TRPC4: variants seen among roughly 807,000 people sequenced by gnomAD.
The protein encoded by TRPC4 is short transient receptor potential channel 4.
A neutral mutation model predicts 99.4 loss-of-function variants in TRPC4; 49 were observed. The observed-to-expected ratio is 0.49, with a 90% CI of 0.39 to 0.63. TRPC4 has a LOEUF of 0.63. TRPC4 is among the 20% of genes least tolerant of loss of function. The pLI is 0.00. For synonymous variants in TRPC4, 454 were observed against 425.9 expected, an observed-to-expected ratio of 1.07 and a Z score of -0.81; for missense variants, 898 against 1,152.9, an observed-to-expected ratio of 0.78 and a Z score of 3.20.
chr13:37,675,396 A>G (rs1005246503), intron 4 of TRPC4, among the ~76,000 whole-genome samples: 1 of 152,188 alleles, frequency 6.6e-6, no homozygotes, highest in Non-Finnish European at 1.5e-5. Context: ...AGACACTGGC[A>G]CCATCCAAGA....
At chr13:37,712,742 G>T (rs1398845157) in intron 3 of TRPC4, among the ~76,000 whole-genome samples, 1 of 152,068 alleles carries the variant, frequency 6.6e-6, no homozygotes, top group East Asian at 1.9e-4. Context: ...CCTGGAAAAA[G>T]CATGTCTAGA....
intron 2 of TRPC4, among the ~76,000 whole-genome samples, chr13:37,781,001 T>G (rs764245124): frequency 8.6e-5 from 13 of 151,996 alleles, no homozygotes; most frequent in Non-Finnish European, 1.9e-4. Flanking sequence ...TGCCTTTTAT[T>G]AATAATCAGG....
intron 1 of TRPC4, among the ~76,000 whole-genome samples, chr13:37,799,970 C>T (rs964687344): frequency 5.9e-5 from 9 of 152,068 alleles, no homozygotes; most frequent in Non-Finnish European, 1.3e-4. Flanking sequence ...TAATTATGTC[C>T]ATAGGCGGGG....
chr13:37,719,101 G>C (rs1482655550), intron 3 of TRPC4, among the ~76,000 whole-genome samples: 1 of 152,104 alleles, frequency 6.6e-6, no homozygotes, highest in Non-Finnish European at 1.5e-5. Context: ...CAGAAATATA[G>C]AGCCCAGAAG....
chr13:37,806,972 G>A (rs1379932553), intron 1 of TRPC4, among the ~76,000 whole-genome samples: 1 of 151,974 alleles, frequency 6.6e-6, no homozygotes, highest in African/African-American at 2.4e-5. Flanking sequence ...TCTATTCCCA[G>A]AGAACTGTCT....
At chr13:37,753,591 G>T (rs1030151372) in intron 2 of TRPC4, among the ~76,000 whole-genome samples, 1 of 137,870 alleles carries the variant, frequency 7.3e-6, no homozygotes, top group South Asian at 2.5e-4. Flanking sequence ...GAGAGAGAGA[G>T]AGAGAGAGAG....
At chr13:37,777,138 C>G (rs566919573) in intron 2 of TRPC4, among the ~76,000 whole-genome samples, 129 of 152,006 alleles carry the variant, frequency 8.5e-4, no homozygotes, top group African/African-American at 3.0e-3. Context: ...CTGAAATATA[C>G]TTTCTTTTGC....
intron 4 of TRPC4, 77 bp from the exon 5 acceptor site, chr13:37,674,444 A>G: frequency 2.0e-6 from 3 of 1,483,122 alleles, no homozygotes; most frequent in Non-Finnish European, 1.8e-6. Flanking sequence ...TTTAACAATT[A>G]TAGATCTCGA....
At chr13:37,701,887 C>T (rs1954113542) in intron 3 of TRPC4, among the ~76,000 whole-genome samples, 1 of 152,088 alleles carries the variant, frequency 6.6e-6, no homozygotes, top group Admixed American at 6.5e-5. Context: ...TTTATTTGCT[C>T]ATTGTGTTAG....
chr13:37,837,273 G>A (rs1316645962), intron 1 of TRPC4, among the ~76,000 whole-genome samples: 2 of 152,250 alleles, frequency 1.3e-5, no homozygotes. Context: ...GCACCACCTA[G>A]TGGATCTGTG....
chr13:37,737,211 A>T (rs1336067023), intron 3 of TRPC4, among the ~76,000 whole-genome samples: 5 of 148,440 alleles, frequency 3.4e-5, no homozygotes, highest in Admixed American at 2.1e-4. Context: ...GGGACCCAGG[A>T]ACAGACAAAA....
chr13:37,861,670 C>G (rs537106891), intron 1 of TRPC4, among the ~76,000 whole-genome samples: 1 of 151,466 alleles, frequency 6.6e-6, no homozygotes, highest in East Asian at 1.9e-4. Flanking sequence ...TGCTGGAGTG[C>G]TAAATAAAAA....
intron 3 of TRPC4, among the ~76,000 whole-genome samples, chr13:37,706,823 A>G (rs1467225854): frequency 6.6e-6 from 1 of 152,182 alleles, no homozygotes; most frequent in African/African-American, 2.4e-5. Flanking sequence ...TATTTTAAAT[A>G]GTCATCAAGG....
At chr13:37,864,741 T>A (rs1052532645) in intron 1 of TRPC4, among the ~76,000 whole-genome samples, 2 of 151,612 alleles carry the variant, frequency 1.3e-5, no homozygotes, top group African/African-American at 4.8e-5. Flanking sequence ...ACTTGGGACA[T>A]CTGGAGAAAT....
intron 8 of TRPC4, among the ~76,000 whole-genome samples, chr13:37,648,075 T>G (rs1222529027): frequency 1.3e-5 from 2 of 152,142 alleles, no homozygotes; most frequent in East Asian, 3.9e-4. Flanking sequence ...CCTGAGTAGC[T>G]GGGACTACAG....
chr13:37,753,575 AAGAGAGAGAGAGAGAG>A (rs61394712), intron 2 of TRPC4, among the ~76,000 whole-genome samples: 1 of 137,250 alleles, frequency 7.3e-6, no homozygotes, highest in East Asian at 2.1e-4. Flanking sequence ...GAGAGAGAGA[AAGAGAGAGAGAGAGAG>A]AGAGAGAGAG....
intron 3 of TRPC4, among the ~76,000 whole-genome samples, chr13:37,726,039 T>A (rs1364293540): frequency 1.3e-5 from 2 of 151,818 alleles, no homozygotes; most frequent in African/African-American, 4.8e-5. Context: ...CTACTAAAAA[T>A]ATAAAAATTC....
intron 3 of TRPC4, among the ~76,000 whole-genome samples, chr13:37,729,245 C>T (rs569597091): frequency 2.0e-5 from 3 of 152,112 alleles, no homozygotes; most frequent in African/African-American, 4.8e-5. Context: ...CATCATTGCT[C>T]ATGAGGGAAA....
At chr13:37,648,006 G>A (rs199713679) in intron 8 of TRPC4, among the ~76,000 whole-genome samples, 1 of 152,068 alleles carries the variant, frequency 6.6e-6, no homozygotes, top group East Asian at 1.9e-4. Context: ...GCAGTGGTGC[G>A]ATCTCGGCTC....
Sources: gnomAD v4.1 joint callset for allele counts (sites outside exome capture counted in the v4.1 genomes callset) on GRCh38, gnomAD v4.1.1 for gene constraint, MANE v1.5 for transcripts, NCBI Gene and HGNC (gene_info 2026-07-23, HGNC 2026-07-21) for gene names.